The following ATP9B variants were observed in gnomAD, a reference collection of about 807,000 sequenced individuals.
ATP9B encodes the protein probable phospholipid-transporting ATPase IIB.
ATP9B carries 110 observed loss-of-function variants against 146.1 expected under a neutral mutation model. The observed-to-expected ratio is 0.75, with a 90% confidence interval of 0.65 to 0.88. The LOEUF (loss-of-function observed/expected upper bound fraction) is 0.88, where lower values mean the gene tolerates loss of function less well. Ranked by LOEUF, ATP9B falls within the 40% of genes least tolerant of loss-of-function variation. The probability of loss-of-function intolerance (pLI) is 0.00; values close to 1 mark genes in which losing one functional copy is unlikely to be tolerated. For missense variants in ATP9B, 1,499 were observed against 1,496.4 expected (o/e 1.00, Z -0.03); for synonymous variants, 604 against 569.7 (o/e 1.06, Z -0.86).
intron 11 of ATP9B, among the ~76,000 whole-genome samples, chr18:79,250,072 A>G (rs1345138795): frequency 4.6e-5 from 7 of 152,272 alleles, no homozygotes; most frequent in Admixed American, 4.6e-4. Flanking sequence ...TTCACTAGTC[A>G]AGCATCTGAC....
At chr18:79,237,923 C>T (rs1236729793) in intron 11 of ATP9B, among the ~76,000 whole-genome samples, 1 of 152,122 alleles carries the variant, frequency 6.6e-6, no homozygotes, top group Non-Finnish European at 1.5e-5. Flanking sequence ...GTCCTGGCCT[C>T]AAGTGATCCT....
intron 16 of ATP9B, 38 bp downstream of exon 16, chr18:79,329,340 A>G (rs780209923): frequency 6.6e-7 from 1 of 1,504,674 alleles, no homozygotes. Flanking sequence ...ATGGCTTCAG[A>G]CATTTTGTTT....
At chr18:79,231,803 T>TATATATATACACACAC (rs569726473) in intron 11 of ATP9B, among the ~76,000 whole-genome samples, 5 of 114,762 alleles carry the variant, frequency 4.4e-5, no homozygotes, top group East Asian at 2.6e-4. Context: ...TATATATATA[T>TATATATATACACACAC]ACACACACAC....
intron 2 of ATP9B, among the ~76,000 whole-genome samples, chr18:79,097,529 C>A (rs1198209433): frequency 1.3e-5 from 1 of 77,456 alleles, no homozygotes; most frequent in Non-Finnish European, 2.2e-5. Flanking sequence ...TCCCCCCTCC[C>A]CCCTCCCCAC....
intron 26 of ATP9B, among the ~76,000 whole-genome samples, chr18:79,366,212 G>T (rs1388811503): frequency 1.3e-5 from 2 of 152,350 alleles, no homozygotes; most frequent in East Asian, 1.9e-4. Context: ...TCCCGAGGGG[G>T]TGTGGGTGTG....
intron 13 of ATP9B, among the ~76,000 whole-genome samples, chr18:79,291,879 C>T (rs1231432604): frequency 3.3e-5 from 5 of 152,196 alleles, no homozygotes; most frequent in Non-Finnish European, 7.3e-5. Flanking sequence ...AAAAAGCAAC[C>T]TTGGCACTCC....
At chr18:79,321,690 C>T (rs2096717154) in intron 15 of ATP9B, among the ~76,000 whole-genome samples, 1 of 152,092 alleles carries the variant, frequency 6.6e-6, no homozygotes, top group African/African-American at 2.4e-5. Flanking sequence ...AAGATGATTA[C>T]AAATTAAAAA....
chr18:79,182,068 C>G (rs1386339636), intron 8 of ATP9B, among the ~76,000 whole-genome samples: 1 of 152,194 alleles, frequency 6.6e-6, no homozygotes, highest in Non-Finnish European at 1.5e-5. Flanking sequence ...ACTTGTGGGT[C>G]AACTTGATGT....
chr18:79,219,851 A>T (rs2095661567), intron 11 of ATP9B, among the ~76,000 whole-genome samples: 1 of 152,234 alleles, frequency 6.6e-6, no homozygotes, highest in Non-Finnish European at 1.5e-5. Flanking sequence ...CGGTAGTGAA[A>T]TTGATGCAAC....
intron 7 of ATP9B, among the ~76,000 whole-genome samples, chr18:79,164,845 T>C (rs1473679818): frequency 1.3e-5 from 2 of 152,236 alleles, no homozygotes; most frequent in Non-Finnish European, 2.9e-5. Context: ...TTAATATTTG[T>C]GTAGAGTAAG....
chr18:79,365,658 G>A (rs140031294), intron 26 of ATP9B, among the ~76,000 whole-genome samples: 186 of 152,352 alleles, frequency 1.2e-3, no homozygotes, highest in Middle Eastern at 6.8e-3. Flanking sequence ...CAGCCCATGC[G>A]TGGATGGAAG....
At chr18:79,288,201 A>G (rs1317266785) in intron 13 of ATP9B, among the ~76,000 whole-genome samples, 2 of 149,976 alleles carry the variant, frequency 1.3e-5, no homozygotes, top group African/African-American at 4.9e-5. Context: ...TGATCTGTCT[A>G]ATGTTGACAG....
intron 2 of ATP9B, among the ~76,000 whole-genome samples, chr18:79,098,457 T>G (rs8097895): frequency 0.55 from 78,570 of 143,390 alleles, 23,117 homozygotes; most frequent in African/African-American, 0.78. Context: ...CCTACAACAT[T>G]GGAGAAAATT....
Position 79,377,474 on chromosome 18 carries a change from G to C in ATP9B, c.*91G>C. 3 of 1,487,742 alleles carry C rather than the reference G, an allele frequency of 2.0e-6. No individual in the cohort carries two copies. The highest frequency in any genetic ancestry group is 2.7e-6 in the Non-Finnish European group (3 of 1,101,902). The allele number at this position is 1,487,742 out of a possible 1,614,324, so 92.2% of individuals were successfully genotyped here. A position where few individuals can be genotyped will look rare whatever the true frequency, so the allele number is the denominator to read the frequency against. ...GCCAGTGAACGCAGGGTTTGCCATT[G>C]CTACCAAGCAAGCACCACAAGAAAG... On this transcript the variant is annotated 3_prime_UTR_variant, in exon 30 of 30. Transcript: ENST00000426216.
Position 79,372,731 on chromosome 18 carries a change from G to C in ATP9B, c.3013-94G>C. Reference sequence around the variant, plus strand: ...GGCATGGATGGGGCTTATGGACCTGGGTCTTTCAGAAGTGACCCATAGCTC... The same window carrying C: ...GGCATGGATGGGGCTTATGGACCTGCGTCTTTCAGAAGTGACCCATAGCTC... On this transcript the variant is annotated intron_variant, in intron 26 of 29. Transcript: ENST00000426216. The C allele has an allele frequency of 7.1e-6, 6 of 848,876 alleles. No homozygotes were observed. In the East Asian group the frequency reaches 1.5e-4, roughly 21 times the overall value. 52.6% of individuals were successfully genotyped at this position (848,876 alleles called of 1,614,324 possible). A position where few individuals can be genotyped will look rare whatever the true frequency, so the allele number is the denominator to read the frequency against.
chr18:79,181,037 C>T (rs1214789183), intron 8 of ATP9B, among the ~76,000 whole-genome samples: 1 of 151,864 alleles, frequency 6.6e-6, no homozygotes, highest in Non-Finnish European at 1.5e-5. Context: ...TCTTGAACTC[C>T]TGACCTCAGA....
At chr18:79,191,760 C>A (rs968173278) in intron 8 of ATP9B, among the ~76,000 whole-genome samples, 1 of 152,200 alleles carries the variant, frequency 6.6e-6, no homozygotes, top group Admixed American at 6.5e-5. Context: ...TTGAAATTCT[C>A]ATTTCTTAAT....
chr18:79,084,104 G>A (rs539086653), intron 1 of ATP9B, among the ~76,000 whole-genome samples: 5 of 151,360 alleles, frequency 3.3e-5, no homozygotes, highest in Non-Finnish European at 7.4e-5. Flanking sequence ...TGATCCACCC[G>A]CCTCGGCCTC....
intron 7 of ATP9B, among the ~76,000 whole-genome samples, chr18:79,156,558 T>A (rs1482350409): frequency 6.6e-6 from 1 of 152,212 alleles, no homozygotes; most frequent in Admixed American, 6.5e-5. Context: ...CTATATAAAC[T>A]ATTGTTAAGC....
Sources: gnomAD v4.1 joint callset for allele counts (sites outside exome capture counted in the v4.1 genomes callset) on GRCh38, gnomAD v4.1.1 for gene constraint, MANE v1.5 for transcripts, NCBI Gene and HGNC (gene_info 2026-07-23, HGNC 2026-07-21) for gene names.